The following PPARGC1B variants were observed in gnomAD, a reference collection of about 807,000 sequenced individuals.
The protein encoded by PPARGC1B is peroxisome proliferator-activated receptor gamma coactivator 1-beta.
In PPARGC1B, 34 loss-of-function variants were observed where a neutral mutation model predicts 101.6. That is an observed-to-expected ratio of 0.33 (90% confidence interval 0.25 to 0.45). The LOEUF is 0.45. PPARGC1B is among the 20% of genes least tolerant of loss of function. PPARGC1B has a pLI of 1.00. For missense variants in PPARGC1B, 1,234 were observed against 1,317.6 expected (o/e 0.94, Z 0.98); for synonymous variants, 548 against 539.3 (o/e 1.02, Z -0.22).
chr5:149,826,562 G>A, intron 2 of PPARGC1B, 111 bp from the exon 3 acceptor site: 4 of 827,936 alleles, frequency 4.8e-6, no homozygotes, highest in African/African-American at 1.7e-5. Flanking sequence ...GAGGGTGTTG[G>A]TGGGCCAGCT....
intron 1 of PPARGC1B, among the ~76,000 whole-genome samples, chr5:149,814,125 C>T (rs546409265): frequency 6.6e-6 from 1 of 152,098 alleles, no homozygotes; most frequent in Non-Finnish European, 1.5e-5. Context: ...TTGTAAGAAC[C>T]CTAGGAGGCA....
intron 1 of PPARGC1B, among the ~76,000 whole-genome samples, chr5:149,809,525 GA>G (rs1333360594): frequency 2.2e-5 from 3 of 133,970 alleles, no homozygotes; most frequent in African/African-American, 9.0e-5. Flanking sequence ...TAGATAGATA[GA>G]TAAGCAAGCA....
intron 2 of PPARGC1B, among the ~76,000 whole-genome samples, chr5:149,822,731 G>A (rs1758352398): frequency 6.6e-6 from 1 of 152,210 alleles, no homozygotes; most frequent in African/African-American, 2.4e-5. Flanking sequence ...AGACTGCAAG[G>A]TCCTTGGGGA....
chr5:149,825,693 A>C (rs765134912), intron 2 of PPARGC1B, among the ~76,000 whole-genome samples: 4 of 152,170 alleles, frequency 2.6e-5, no homozygotes, highest in Non-Finnish European at 5.9e-5. Flanking sequence ...GGTAAGCTCC[A>C]TGGGAGCGGG....
intron 1 of PPARGC1B, among the ~76,000 whole-genome samples, chr5:149,742,091 C>T (rs564096322): frequency 2.6e-5 from 4 of 152,298 alleles, no homozygotes; most frequent in Admixed American, 2.0e-4. Context: ...AGGCCCTGTG[C>T]CACATCCTTC....
At chr5:149,801,097 G>T (rs1302079135) in intron 1 of PPARGC1B, among the ~76,000 whole-genome samples, 1 of 152,192 alleles carries the variant, frequency 6.6e-6, no homozygotes, top group Non-Finnish European at 1.5e-5. Flanking sequence ...GCAGGACCTT[G>T]TAGGACGAGT....
Position 149,842,273 on chromosome 5 carries a change from G to A in PPARGC1B, c.2712G>A (p.Val904=), listed in dbSNP as rs766336476. 1.2e-6 allele frequency: 2 copies of A among 1,613,892 alleles called. No homozygotes were observed. The highest frequency in any genetic ancestry group is 1.7e-6 in the Non-Finnish European group (2 of 1,180,008). The change falls in exon 10 of 12, where the codon GTG becomes GTA. Residue 904 remains valine, a synonymous_variant. Coordinates refer to ENST00000309241, the MANE Select transcript of PPARGC1B (RefSeq NM_133263.4). ...TTGGGCAGGGGGAAGGCCGCGTGGT[G>A]TACATTCAAAATCTCTCCAGCGACA... ...REKAIGEGRV[V]YIQNLSSDMS...
At chr5:149,767,429 A>G (rs1755952522) in intron 1 of PPARGC1B, among the ~76,000 whole-genome samples, 1 of 152,176 alleles carries the variant, frequency 6.6e-6, no homozygotes, top group South Asian at 2.1e-4. Context: ...CTTTGCATTC[A>G]TGGAGACATC....
intron 1 of PPARGC1B, among the ~76,000 whole-genome samples, chr5:149,756,092 A>C (rs1434334814): frequency 6.6e-6 from 1 of 152,194 alleles, no homozygotes; most frequent in Non-Finnish European, 1.5e-5. Context: ...CCATCTATAC[A>C]GGGTGGATTT....
intron 11 of PPARGC1B, chr5:149,846,652 A>AAC (rs1759571245): frequency 6.6e-6 from 1 of 152,648 alleles, no homozygotes; most frequent in African/African-American, 2.4e-5. Context: ...AGAAAAAAAA[A>AAC]AAAACACTTA....
intron 1 of PPARGC1B, among the ~76,000 whole-genome samples, chr5:149,797,904 A>G (rs1037898679): frequency 6.6e-5 from 10 of 152,196 alleles, no homozygotes; most frequent in Non-Finnish European, 1.5e-4. Context: ...TGGGCGACAG[A>G]GCAAAACTCC....
At chr5:149,749,031 A>G (rs930725507) in intron 1 of PPARGC1B, among the ~76,000 whole-genome samples, 1 of 73,124 alleles carries the variant, frequency 1.4e-5, no homozygotes, top group Non-Finnish European at 2.6e-5. Flanking sequence ...AGTGGGGGAC[A>G]TGCAGGGATT....
At chr5:149,815,559 A>G (rs1472937662) in intron 1 of PPARGC1B, among the ~76,000 whole-genome samples, 2 of 152,042 alleles carry the variant, frequency 1.3e-5, no homozygotes, top group African/African-American at 4.8e-5. Context: ...TTATTTACTT[A>G]CTTACAATTT....
chr5:149,801,672 A>G (rs1353304211), intron 1 of PPARGC1B, among the ~76,000 whole-genome samples: 2 of 152,164 alleles, frequency 1.3e-5, no homozygotes, highest in African/African-American at 4.8e-5. Context: ...TTGAGAAGAT[A>G]GCTGTGGCTG....
chr5:149,832,840 G>A lies in PPARGC1B; in HGVS notation c.767G>A (p.Ser256Asn), dbSNP rs147103978. ...EDKEPGEDCP[S>N]PQPAPASPRD... ...AAGGAGCCGGGTGAGGACTGCCCGA[G>A]CCCCCAGCCAGCTCCAGCCTCTCCC... Residue 256 changes from serine (S) to asparagine (N), a missense_variant, in exon 5 of 12, where the codon AGC becomes AAC. Physicochemically the swap from Ser to Asn is conservative, Grantham distance 46. This residue lies in a region of PPARGC1B where 734 missense variants were observed against 768.4 expected (regional missense o/e 0.96). Coordinates refer to ENST00000309241, the MANE Select transcript of PPARGC1B (RefSeq NM_133263.4). This position sits in a 1 kb window ranked among gnomAD's most constrained non-coding sequence, Gnocchi z 4.9. 329 of 1,609,956 alleles carry A rather than the reference G, an allele frequency of 2.0e-4. No homozygotes were observed. In the African/African-American group the frequency reaches 3.6e-3, roughly 18 times the overall value.
At position 149,824,747 on chromosome 5, in the gene PPARGC1B, G is replaced by A. The variant is rs905448930; in HGVS notation, c.253-1926G>A. ...GGGGGTGGGGGCAGCCAATGAGCCC[G>A]CTTGCATTCTAAAGCCAGAGTCCTC... On this transcript the variant is annotated intron_variant, in intron 2 of 11. Coordinates refer to ENST00000309241, the MANE Select transcript of PPARGC1B (RefSeq NM_133263.4). 2.6e-5 allele frequency among the ~76,000 whole-genome samples: 4 copies of A among 152,280 alleles called. No individual in the cohort carries two copies. In the South Asian group the frequency reaches 6.2e-4, roughly 24 times the overall value.
chr5:149,797,322 A>G (rs1180394825), intron 1 of PPARGC1B, among the ~76,000 whole-genome samples: 1 of 152,220 alleles, frequency 6.6e-6, no homozygotes, highest in East Asian at 1.9e-4. Context: ...TGTTTTCATG[A>G]ATCTCTAGCT....
At chr5:149,824,983 C>T (rs1008137752) in intron 2 of PPARGC1B, among the ~76,000 whole-genome samples, 4 of 152,380 alleles carry the variant, frequency 2.6e-5, no homozygotes, top group Admixed American at 1.3e-4. Context: ...CGTCACGAGA[C>T]GTGTATTTCA....
chr5:149,765,160 T>C (rs573242602), intron 1 of PPARGC1B, among the ~76,000 whole-genome samples: 30 of 152,364 alleles, frequency 2.0e-4, no homozygotes, highest in African/African-American at 7.2e-4. Context: ...GGCGTCCTCC[T>C]GCCGTGTGAC....
Sources: allele counts gnomAD v4.1 joint callset (sites outside exome capture counted in the v4.1 genomes callset), GRCh38; gene constraint gnomAD v4.1.1; regional missense constraint gnomAD v4.1.1; non-coding constraint Gnocchi (gnomAD v3.1); transcripts MANE v1.5; gene names NCBI Gene and HGNC (gene_info 2026-07-23, HGNC 2026-07-21).